SLC47A2: variants seen among roughly 807,000 people sequenced by gnomAD.
SLC47A2 encodes the protein multidrug and toxin extrusion protein 2.
Under a neutral mutation model 67.7 loss-of-function variants are expected in SLC47A2, and 52 were observed. The observed-to-expected ratio is 0.77, with a 90% confidence interval of 0.61 to 0.97. The LOEUF is 0.97. Ranked by LOEUF, SLC47A2 falls within the 50% of genes least tolerant of loss-of-function variation. SLC47A2 has a pLI of 0.00. For synonymous variants in SLC47A2, 278 were observed against 292.9 expected (o/e 0.95, Z 0.52); for missense variants, 676 against 712.3 (o/e 0.95, Z 0.58).
intron 13 of SLC47A2, among the ~76,000 whole-genome samples, chr17:19,700,811 G>T (rs1352143756): frequency 6.8e-6 from 1 of 147,370 alleles, no homozygotes; most frequent in Non-Finnish European, 1.5e-5. Flanking sequence ...TCAATTTCAA[G>T]AATGATTTCT....
rs1311999480 is a variant in SLC47A2, at chr17:19,702,596, G to T, written c.1164+9C>A. ...AGGGAGTCAGGCTTTGGATCAAAGT[G>T]GTACTTACACAGATGGCCTCAAACA... On this transcript the variant is annotated intron_variant, in intron 13 of 16. Coordinates refer to ENST00000433844, the MANE Select transcript of SLC47A2 (RefSeq NM_001099646.3). 1.2e-6 allele frequency: 2 copies of T among 1,613,550 alleles called. No individual in the cohort carries two copies. The highest frequency in any genetic ancestry group is 2.7e-5 in the African/African-American group (2 of 74,900).
intron 13 of SLC47A2, chr17:19,692,227 C>CAAA: frequency 3.3e-5 from 12 of 364,916 alleles, no homozygotes; most frequent in East Asian, 1.8e-4. Context: ...GACTCCATGT[C>CAAA]AAAAAAAAAA....
At chr17:19,684,760 A>G (rs1428271914) in intron 13 of SLC47A2, among the ~76,000 whole-genome samples, 3 of 152,116 alleles carry the variant, frequency 2.0e-5, no homozygotes, top group African/African-American at 7.2e-5. Context: ...AAATCATTGA[A>G]ATAAACAGCA....
chr17:19,694,970 A>G (rs1452960330), intron 13 of SLC47A2, among the ~76,000 whole-genome samples: 3 of 152,102 alleles, frequency 2.0e-5, no homozygotes, highest in Non-Finnish European at 4.4e-5. Context: ...TTAACATTAA[A>G]ACTTTTTAAA....
chr17:19,714,855 T>C, intron 2 of SLC47A2, 66 bp from the exon 3 acceptor site: 1 of 1,603,962 alleles, frequency 6.2e-7, no homozygotes, highest in Non-Finnish European at 8.5e-7. Context: ...CCCCTGCATC[T>C]GGGCTGAGCC....
chr17:19,702,016 A>T, intron 13 of SLC47A2: 1 of 470,666 alleles, frequency 2.1e-6, no homozygotes, highest in Non-Finnish European at 2.8e-6. Flanking sequence ...GGCTGAGGTG[A>T]GAGGATCACT....
At chr17:19,711,931 A>T (rs1175329423) in intron 5 of SLC47A2, among the ~76,000 whole-genome samples, 1 of 152,218 alleles carries the variant, frequency 6.6e-6, no homozygotes, top group Non-Finnish European at 1.5e-5. Context: ...TGGGTACCAG[A>T]TAACCTTTGG....
chr17:19,688,322 A>G (rs996973059), intron 13 of SLC47A2, among the ~76,000 whole-genome samples: 5 of 147,076 alleles, frequency 3.4e-5, no homozygotes, highest in Admixed American at 3.4e-4. Flanking sequence ...CTTCATGATT[A>G]AAAAAAAAAA....
At chr17:19,681,695 AAG>A (rs2085319544) in intron 13 of SLC47A2, 25 bp from the exon 14 acceptor site, 2 of 1,596,816 alleles carry the variant, frequency 1.3e-6, no homozygotes, top group Non-Finnish European at 1.7e-6. Context: ...AGAAATGGGC[AAG>A]AGTCAGGATG....
chr17:19,695,608 G>T (rs1234291748), intron 13 of SLC47A2, among the ~76,000 whole-genome samples: 2 of 151,570 alleles, frequency 1.3e-5, no homozygotes, highest in African/African-American at 2.4e-5. Flanking sequence ...GCCACAGCCT[G>T]GGTTTGCAAA....
intron 13 of SLC47A2, among the ~76,000 whole-genome samples, chr17:19,686,402 C>T (rs373194835): frequency 7.2e-5 from 11 of 152,210 alleles, no homozygotes; most frequent in African/African-American, 2.4e-4. Context: ...GAGAAGACCA[C>T]CAAACCATAA....
intron 16 of SLC47A2, 57 bp downstream of exon 16, chr17:19,679,895 A>T (rs2085276012): frequency 6.5e-7 from 1 of 1,543,324 alleles, no homozygotes; most frequent in Non-Finnish European, 8.8e-7. Flanking sequence ...AGACAAGAGC[A>T]ACATGCCACT....
At position 19,706,706 on chromosome 17, in the gene SLC47A2, G is replaced by A; in HGVS notation, c.783C>T (p.Pro261=). ...ACTCAACACAGATCATGAGCATGCTGGGGACAGCCAGGGAGAAGAAGGGGC... is the reference window on the plus strand; with the variant it reads ...ACTCAACACAGATCATGAGCATGCTAGGGACAGCCAGGGAGAAGAAGGGGC... ...DWGPFFSLAV[P]SMLMICVEWW... The change falls in exon 9 of 17, where the codon CCC becomes CCT. Residue 261 remains proline, a synonymous_variant. Transcript: ENST00000433844. 6.2e-7 allele frequency: 1 copy of A among 1,611,332 alleles called. No individual in the cohort carries two copies. The highest frequency in any genetic ancestry group is 2.2e-5 in the East Asian group (1 of 44,670).
In SLC47A2 at chr17:19,680,021, G is replaced by A. The variant is rs1204600099; in HGVS notation, c.1411C>T (p.Arg471Trp). Residue 471 changes from arginine (R) to tryptophan (W), a missense_variant, in exon 16 of 17, where the codon CGG (arginine) becomes TGG (tryptophan). Arg to Trp is a moderately radical substitution (Grantham distance 101). Coordinates refer to ENST00000433844, the MANE Select transcript of SLC47A2 (RefSeq NM_001099646.3). ...CTCTCTGCTCTCTGCTGCTGCTGCC[G>A]GCCTGAATGTTTCTTAGCCTAAAGG... is the stretch of plus-strand genomic sequence containing the variant. ...AAEEAKKHSG[R>W]QQQQRAESTA... The A allele has an allele frequency of 8.1e-6, 13 of 1,613,846 alleles. No homozygotes were observed. The highest frequency in any genetic ancestry group is 3.3e-5 in the Admixed American group (2 of 59,954).
upstream of SLC47A2, chr17:19,716,685 G>A (rs12943590): frequency 0.28 from 376,575 of 1,342,742 alleles, 54,600 homozygotes; most frequent in South Asian, 0.39. Context: ...CAGGAGGAGG[G>A]GCTACCATGG....
intron 5 of SLC47A2, among the ~76,000 whole-genome samples, chr17:19,711,972 A>G (rs2086112961): frequency 6.6e-6 from 1 of 152,222 alleles, no homozygotes; most frequent in South Asian, 2.1e-4. Flanking sequence ...ATTTAGTCCT[A>G]TAAAGAGACT....
chr17:19,716,418 G>C lies in SLC47A2; in HGVS notation c.123+15C>G. ...TCCTCCACTCCCTACCTGCCCCCCA[G>C]CTCCTCCTCCTTACCAGGGGTCCAG... On this transcript the variant is annotated intron_variant, in intron 1 of 16. Transcript: ENST00000433844. 1 of 1,604,336 alleles carries C rather than the reference G, an allele frequency of 6.2e-7. No individual in the cohort carries two copies.
At chr17:19,697,927 A>G (rs541913829) in intron 13 of SLC47A2, among the ~76,000 whole-genome samples, 16 of 152,230 alleles carry the variant, frequency 1.1e-4, no homozygotes, top group Admixed American at 1.0e-3. Flanking sequence ...AAAGACTAAA[A>G]TAGAAATTTC....
Position 19,684,946 on chromosome 17 carries a change from G to A in SLC47A2, c.1165-3276C>T, listed in dbSNP as rs929524257. ...CTGCAACCTCCCTGCCTCAGGCTCC[G>A]GTGATTCTCCTGCCCCGGCCTGCCG... On this transcript the variant is annotated intron_variant, in intron 13 of 16. Coordinates refer to ENST00000433844, the MANE Select transcript of SLC47A2 (RefSeq NM_001099646.3). Among the ~76,000 whole-genome samples, 9 of 152,086 alleles carry A rather than the reference G, an allele frequency of 5.9e-5. No homozygotes were observed. The East Asian group carries it at 1.4e-3, about 23-fold the overall frequency.
Sources: allele counts gnomAD v4.1 joint callset (sites outside exome capture counted in the v4.1 genomes callset), GRCh38; gene constraint gnomAD v4.1.1; transcripts MANE v1.5; gene names NCBI Gene and HGNC (gene_info 2026-07-23, HGNC 2026-07-21).